KIF6: variants seen among roughly 807,000 people sequenced by gnomAD.
KIF6 encodes kinesin family member 6.
In KIF6, 106 loss-of-function variants were observed where a neutral mutation model predicts 112.7. The observed-to-expected ratio is 0.94, with a 90% CI of 0.80 to 1.11. KIF6 has a LOEUF of 1.11. Ranked by LOEUF, KIF6 falls within the 50% of genes least tolerant of loss-of-function variation. The pLI is 0.00. For missense variants in KIF6, 929 were observed against 964.0 expected (o/e 0.96, Z 0.48); for synonymous variants, 339 against 339.9 (o/e 1.00, Z 0.03).
At chr6:39,442,404 GC>G (rs1286438052) in intron 13 of KIF6, among the ~76,000 whole-genome samples, 2 of 152,146 alleles carry the variant, frequency 1.3e-5, no homozygotes. Context: ...TCCTAACCTA[GC>G]ATCTCTGGGG....
intron 15 of KIF6, among the ~76,000 whole-genome samples, chr6:39,403,509 A>C (rs74416106): frequency 5.3e-4 from 81 of 152,248 alleles, no homozygotes; most frequent in African/African-American, 1.9e-3. Context: ...TTTATTGCTG[A>C]GTAATGTTCT....
rs1214442387 is a variant in KIF6, at chr6:39,535,683, G to C, written c.1645+4320C>G. Among the ~76,000 whole-genome samples the C allele has an allele frequency of 5.9e-5, 9 of 152,294 alleles. No individual in the cohort carries two copies. In the East Asian group the frequency reaches 1.7e-3, roughly 29 times the overall value. ...ACAGAAAGTTAACAAGGATACCCAG[G>C]AATTGAACTCAGCTCTGCACCAAGT... On this transcript the variant is annotated intron_variant, in intron 13 of 22. Transcript: ENST00000287152.
intron 13 of KIF6, among the ~76,000 whole-genome samples, chr6:39,504,261 G>A (rs1253589161): frequency 6.6e-6 from 1 of 152,018 alleles, no homozygotes; most frequent in Non-Finnish European, 1.5e-5. Context: ...AAAATCATAC[G>A]ATTATCTCAA....
chr6:39,469,025 A>G (rs543385480), intron 13 of KIF6, among the ~76,000 whole-genome samples: 1 of 152,194 alleles, frequency 6.6e-6, no homozygotes, highest in South Asian at 2.1e-4. Context: ...CACATACAAC[A>G]ATAATAGCAT....
intron 19 of KIF6, among the ~76,000 whole-genome samples, chr6:39,351,270 C>A (rs550655513): frequency 2.7e-5 from 4 of 149,576 alleles, no homozygotes; most frequent in African/African-American, 9.9e-5. Flanking sequence ...CGCTCTGTCA[C>A]CCAGACTAGA....
intron 18 of KIF6, among the ~76,000 whole-genome samples, chr6:39,358,476 G>A (rs1335962700): frequency 6.6e-6 from 1 of 152,228 alleles, no homozygotes; most frequent in Non-Finnish European, 1.5e-5. Context: ...ACATGGAGCT[G>A]ACACCCTTGC....
intron 16 of KIF6, among the ~76,000 whole-genome samples, chr6:39,379,610 A>G (rs912971919): frequency 1.3e-5 from 2 of 152,348 alleles, no homozygotes; most frequent in East Asian, 1.9e-4. Context: ...GAGGAGGTCA[A>G]TGTTGAATTG....
intron 18 of KIF6, among the ~76,000 whole-genome samples, chr6:39,358,597 G>A (rs1045336443): frequency 6.6e-6 from 1 of 152,184 alleles, no homozygotes; most frequent in Non-Finnish European, 1.5e-5. Flanking sequence ...GGTCAGTGGT[G>A]GACTCCCTCG....
intron 15 of KIF6, among the ~76,000 whole-genome samples, chr6:39,411,651 T>C (rs555709351): frequency 7.4e-4 from 112 of 152,244 alleles, no homozygotes; most frequent in Admixed American, 1.9e-3. Flanking sequence ...CAATGGTGAG[T>C]GAGCACTGTC....
chr6:39,433,483 T>C (rs1771305082), intron 13 of KIF6, among the ~76,000 whole-genome samples: 1 of 152,250 alleles, frequency 6.6e-6, no homozygotes. Flanking sequence ...AAGGATTTAA[T>C]ACTCTTGGTG....
intron 15 of KIF6, among the ~76,000 whole-genome samples, chr6:39,407,709 G>T (rs1399714256): frequency 6.6e-6 from 1 of 152,122 alleles, no homozygotes; most frequent in Non-Finnish European, 1.5e-5. Flanking sequence ...TTGTGGTCTG[G>T]TGCAAGTTTT....
rs150990349 is a variant in KIF6, at chr6:39,597,059, G to T, written c.640-799C>A. Among the ~76,000 whole-genome samples, 106 of 152,236 alleles carry T rather than the reference G, an allele frequency of 7.0e-4. No individual in the cohort carries two copies. In the Middle Eastern group the frequency reaches 0.01, roughly 15 times the overall value. ...TGGTAAGATAATATTAAAGGACAAA[G>T]AGAACTGGAGTAAATGGTGTGCAGG... On this transcript the variant is annotated intron_variant, in intron 6 of 22. Coordinates refer to ENST00000287152, the MANE Select transcript of KIF6 (RefSeq NM_145027.6).
intron 13 of KIF6, among the ~76,000 whole-genome samples, chr6:39,455,274 C>T (rs1050363364): frequency 1.3e-5 from 2 of 151,756 alleles, no homozygotes; most frequent in Admixed American, 6.6e-5. Context: ...ACACCTCACA[C>T]TGCAGGGTAT....
intron 13 of KIF6, among the ~76,000 whole-genome samples, chr6:39,471,369 C>G (rs1774108989): frequency 6.6e-6 from 1 of 152,174 alleles, no homozygotes; most frequent in Non-Finnish European, 1.5e-5. Flanking sequence ...GCCTTCTTGT[C>G]TGGCCACGAG....
At chr6:39,695,019 T>C (rs159955) in intron 3 of KIF6, among the ~76,000 whole-genome samples, 146,386 of 152,266 alleles carry the variant, frequency 0.96, 70,586 homozygotes, top group East Asian at 1. Flanking sequence ...AAGCTGCACA[T>C]CTACAACCAA....
chr6:39,379,580 G>C (rs1201039156), intron 16 of KIF6, among the ~76,000 whole-genome samples: 6 of 152,230 alleles, frequency 3.9e-5, no homozygotes, highest in African/African-American at 1.2e-4. Flanking sequence ...TTGGGAGAAG[G>C]GGTCAGGGAA....
intron 10 of KIF6, among the ~76,000 whole-genome samples, chr6:39,564,072 T>C (rs1490841239): frequency 1.3e-5 from 2 of 152,174 alleles, no homozygotes; most frequent in Non-Finnish European, 2.9e-5. Context: ...TCAGACTAAA[T>C]AGACAAGTAA....
At chr6:39,514,517 A>T (rs1324632845) in intron 13 of KIF6, among the ~76,000 whole-genome samples, 1 of 152,262 alleles carries the variant, frequency 6.6e-6, no homozygotes, top group African/African-American at 2.4e-5. Context: ...AATGTCTATT[A>T]GTTACATACA....
chr6:39,617,476 T>C (rs536734102), intron 5 of KIF6, among the ~76,000 whole-genome samples: 8 of 152,182 alleles, frequency 5.3e-5, no homozygotes, highest in Non-Finnish European at 1.2e-4. Flanking sequence ...CTAACGTTCA[T>C]GTTATATATA....
Sources: allele counts gnomAD v4.1 joint callset (sites outside exome capture counted in the v4.1 genomes callset), GRCh38; gene constraint gnomAD v4.1.1; transcripts MANE v1.5; gene names NCBI Gene and HGNC (gene_info 2026-07-23, HGNC 2026-07-21).